Variants in HLF observed in about 807,000 individuals in gnomAD.
HLF encodes the protein HLF transcription factor, PAR bZIP family member.
A neutral mutation model predicts 22.6 loss-of-function variants in HLF; 3 were observed. The observed-to-expected ratio is 0.13, with a 90% confidence interval of 0.06 to 0.34. The LOEUF (loss-of-function observed/expected upper bound fraction) is 0.34, where lower values mean the gene tolerates loss of function less well. HLF is among the 10% of genes least tolerant of loss of function. The pLI, the probability that HLF is intolerant of heterozygous loss-of-function variation, is 1.00. For missense variants in HLF, 299 were observed against 389.2 expected, an observed-to-expected ratio of 0.77 and a Z score of 1.95; for synonymous variants, 151 against 151.8, an observed-to-expected ratio of 0.99 and a Z score of 0.04.
intron 2 of HLF, among the ~76,000 whole-genome samples, chr17:55,310,163 T>C (rs572958612): frequency 6.6e-6 from 1 of 152,294 alleles, no homozygotes. Context: ...TTCCACCCTT[T>C]CCTCCAGAAA....
intron 2 of HLF, among the ~76,000 whole-genome samples, chr17:55,274,286 G>A (rs2080885581): frequency 6.6e-6 from 1 of 152,074 alleles, no homozygotes; most frequent in Non-Finnish European, 1.5e-5. Context: ...GAGGTAAGAG[G>A]GAAGGTAGTA....
chr17:55,271,146 G>A (rs1013247309), intron 2 of HLF, among the ~76,000 whole-genome samples: 3 of 152,118 alleles, frequency 2.0e-5, no homozygotes, highest in African/African-American at 7.2e-5. Context: ...GCAAAATCTG[G>A]ACTTACTTTA....
At chr17:55,310,730 A>G (rs558761251) in intron 2 of HLF, among the ~76,000 whole-genome samples, 1 of 152,350 alleles carries the variant, frequency 6.6e-6, no homozygotes, top group East Asian at 1.9e-4. Flanking sequence ...TCACCTAAAA[A>G]CTAAGAGATG....
At chr17:55,269,209 T>A (rs2080828223) in intron 2 of HLF, among the ~76,000 whole-genome samples, 1 of 152,188 alleles carries the variant, frequency 6.6e-6, no homozygotes, top group Admixed American at 6.5e-5. Context: ...TGCCTCGATA[T>A]ATTCATATTG....
intron 2 of HLF, among the ~76,000 whole-genome samples, chr17:55,287,325 A>G (rs1044343780): frequency 3.9e-5 from 6 of 152,110 alleles, no homozygotes; most frequent in African/African-American, 1.4e-4. Context: ...ATCGATGAAC[A>G]CTCTCATAGT....
chr17:55,265,270 CGTCT>C lies in HLF; in HGVS notation c.-213_-210del. 1 of 465,370 alleles carries C rather than the reference CGTCT, an allele frequency of 2.1e-6. No individual in the cohort carries two copies. The highest frequency in any genetic ancestry group is 3.1e-5 in the South Asian group (1 of 31,978). The allele number at this position is 465,370 out of a possible 1,614,324, so 28.8% of individuals were successfully genotyped here. ...GGCACTTGGCGCGCTCTCCTGGGAC[CGTCT>C]GCACTGGAAACCCGAAAGTTTTTTT... is the stretch of plus-strand genomic sequence containing the variant. On this transcript the variant is annotated 5_prime_UTR_variant, in exon 1 of 4. Coordinates refer to ENST00000226067, the MANE Select transcript of HLF (RefSeq NM_002126.5).
chr17:55,315,018 G>A (rs1905005961), intron 2 of HLF, among the ~76,000 whole-genome samples: 1 of 152,196 alleles, frequency 6.6e-6, no homozygotes, highest in African/African-American at 2.4e-5. Context: ...GTGTATGTGG[G>A]TTTCTGTTTT....
chr17:55,305,866 G>A (rs186767043), intron 2 of HLF, among the ~76,000 whole-genome samples: 2 of 152,358 alleles, frequency 1.3e-5, no homozygotes, highest in African/African-American at 4.8e-5. Flanking sequence ...GGGCTTTAGA[G>A]TGAGAAGGAT....
At chr17:55,299,754 T>C (rs1056337551) in intron 2 of HLF, among the ~76,000 whole-genome samples, 1 of 150,356 alleles carries the variant, frequency 6.7e-6, no homozygotes, top group African/African-American at 2.5e-5. Context: ...TTTTGAAAAA[T>C]ATTTTTTAGA....
At chr17:55,274,063 G>GA (rs1276637384) in intron 2 of HLF, among the ~76,000 whole-genome samples, 1 of 139,276 alleles carries the variant, frequency 7.2e-6, no homozygotes, top group Non-Finnish European at 1.5e-5. Context: ...TACCAGACTA[G>GA]AAAAATAGCA....
intron 2 of HLF, among the ~76,000 whole-genome samples, chr17:55,288,505 A>G (rs1056854710): frequency 6.6e-6 from 1 of 152,088 alleles, no homozygotes; most frequent in Non-Finnish European, 1.5e-5. Context: ...GCTCACGCCT[A>G]TAATCCCGGC....
At chr17:55,298,522 A>G (rs1377758850) in intron 2 of HLF, among the ~76,000 whole-genome samples, 1 of 152,192 alleles carries the variant, frequency 6.6e-6, no homozygotes, top group Non-Finnish European at 1.5e-5. Context: ...CAGGAGACAG[A>G]TGGGTTTAGC....
intron 2 of HLF, among the ~76,000 whole-genome samples, chr17:55,293,789 C>T (rs1217349394): frequency 6.6e-6 from 1 of 152,088 alleles, no homozygotes; most frequent in African/African-American, 2.4e-5. Context: ...GAAGGCTTTG[C>T]CTTGTGGAAG....
rs150688907 is a variant in HLF at position 55,304,454 on chromosome 17, C to T, written c.452-10773C>T. On this transcript the variant is annotated intron_variant, in intron 2 of 3. Transcript: ENST00000226067. ...TCTAACCGGCTGTGGTTATGAGTTC[C>T]GCTGGTCTCACCTTTCAGTGGGTTC... is the stretch of plus-strand genomic sequence containing the variant. Among the ~76,000 whole-genome samples the T allele has an allele frequency of 8.1e-4, 123 of 152,302 alleles. 1 individual carries two copies. The Middle Eastern group carries it at 0.031, about 38-fold the overall frequency.
At chr17:55,293,034 A>C (rs182023006) in intron 2 of HLF, among the ~76,000 whole-genome samples, 1 of 152,312 alleles carries the variant, frequency 6.6e-6, no homozygotes, top group Admixed American at 6.5e-5. Context: ...GTTAGTTAAG[A>C]GGTACAAAAA....
intron 2 of HLF, among the ~76,000 whole-genome samples, chr17:55,270,852 C>T (rs529576261): frequency 7.9e-5 from 12 of 152,126 alleles, no homozygotes; most frequent in Admixed American, 2.0e-4. Context: ...CCGTTTTAGC[C>T]GGGATGGTCT....
intron 2 of HLF, among the ~76,000 whole-genome samples, chr17:55,287,600 G>A (rs1318180159): frequency 2.0e-5 from 3 of 152,328 alleles, no homozygotes; most frequent in Non-Finnish European, 2.9e-5. Context: ...TATTCAGAAA[G>A]GACTGTGTCT....
chr17:55,293,916 C>T (rs1412108365), intron 2 of HLF, among the ~76,000 whole-genome samples: 2 of 152,168 alleles, frequency 1.3e-5, no homozygotes, highest in Admixed American at 6.5e-5. Flanking sequence ...ACATATGCAC[C>T]TCTGGGGAGG....
Position 55,324,125 on chromosome 17 carries a change from CTG to C in HLF, c.*3249_*3250del, listed in dbSNP as rs981313691. ...CATTCAAATACCACATTAGGCAAGA[CTG>C]TGATAGGCCTTTTGTCTTCAAATAC... On this transcript the variant is annotated 3_prime_UTR_variant, in exon 4 of 4. Transcript: ENST00000226067. 8.8e-6 allele frequency: 2 copies of C among 226,200 alleles called. No homozygotes were observed. The highest frequency in any genetic ancestry group is 1.8e-4 in the South Asian group (1 of 5,476). The allele number at this position is 226,200 out of a possible 1,614,324, so 14.0% of individuals were successfully genotyped here.
Sources: allele counts gnomAD v4.1 joint callset (sites outside exome capture counted in the v4.1 genomes callset), GRCh38; gene constraint gnomAD v4.1.1; transcripts MANE v1.5; gene names NCBI Gene and HGNC (gene_info 2026-07-23, HGNC 2026-07-21).